FGF12: variants seen among roughly 807,000 people sequenced by gnomAD.
FGF12 encodes the protein fibroblast growth factor 12B.
In FGF12, 14 loss-of-function variants were observed where a neutral mutation model predicts 23.6. That is an observed-to-expected ratio of 0.59 (90% confidence interval 0.39 to 0.93). The LOEUF (loss-of-function observed/expected upper bound fraction) is 0.93. FGF12 is among the 40% of genes least tolerant of loss of function. The pLI, the probability that FGF12 is intolerant of heterozygous loss-of-function variation, is 0.00. For missense variants in FGF12, 175 were observed against 217.8 expected (o/e 0.80, Z 1.24); for synonymous variants, 62 against 77.3 (o/e 0.80, Z 1.04).
chr3:192,295,502 A>G (rs2108653892), intron 4 of FGF12, among the ~76,000 whole-genome samples: 1 of 152,348 alleles, frequency 6.6e-6, no homozygotes, highest in East Asian at 1.9e-4. Flanking sequence ...ATATTTAAGA[A>G]GAATTCGAAG....
At chr3:192,152,886 G>A (rs1393174910) in intron 5 of FGF12, among the ~76,000 whole-genome samples, 258 of 17,668 alleles carry the variant, frequency 0.015, no homozygotes, top group Middle Eastern at 0.026. Flanking sequence ...TTTCTGTCTC[G>A]TTGATCTGTC....
chr3:192,551,834 G>A (rs1352880013), intron 2 of FGF12, among the ~76,000 whole-genome samples: 1 of 151,996 alleles, frequency 6.6e-6, no homozygotes, highest in Non-Finnish European at 1.5e-5. Context: ...TACTAGACAT[G>A]CAAAGATGTA....
intron 2 of FGF12, among the ~76,000 whole-genome samples, chr3:192,471,688 G>A (rs573425042): frequency 1.3e-4 from 20 of 152,264 alleles, no homozygotes; most frequent in Non-Finnish European, 2.8e-4. Flanking sequence ...ATAGATATAA[G>A]CTGCTCTCAA....
chr3:192,673,424 C>T (rs963600049), intron 2 of FGF12, among the ~76,000 whole-genome samples: 5 of 151,080 alleles, frequency 3.3e-5, no homozygotes, highest in South Asian at 2.1e-4. Flanking sequence ...ATGTGTAGAA[C>T]GTGCAGGTTG....
chr3:192,508,324 A>G (rs2108837876), intron 2 of FGF12, among the ~76,000 whole-genome samples: 1 of 152,354 alleles, frequency 6.6e-6, no homozygotes, highest in African/African-American at 2.4e-5. Flanking sequence ...CATCAGAAGA[A>G]ATATTCAAAC....
chr3:192,443,325 C>G (rs1722259501), intron 2 of FGF12, among the ~76,000 whole-genome samples: 1 of 152,096 alleles, frequency 6.6e-6, no homozygotes, highest in Non-Finnish European at 1.5e-5. Flanking sequence ...CTCCTATATC[C>G]ACAACTGAGT....
chr3:192,312,728 C>A (rs1275093674), intron 4 of FGF12, among the ~76,000 whole-genome samples: 2 of 143,250 alleles, frequency 1.4e-5, no homozygotes, highest in African/African-American at 2.7e-5. Context: ...GCCTGGGCAA[C>A]AGAGTGAGAC....
chr3:192,597,080 A>G (rs1292640632), intron 2 of FGF12, among the ~76,000 whole-genome samples: 1 of 152,202 alleles, frequency 6.6e-6, no homozygotes, highest in Non-Finnish European at 1.5e-5. Context: ...GGATTACGCA[A>G]AAATATATGT....
intron 3 of FGF12, among the ~76,000 whole-genome samples, chr3:192,342,167 G>T (rs1042365747): frequency 6.6e-6 from 1 of 152,128 alleles, no homozygotes; most frequent in African/African-American, 2.4e-5. Flanking sequence ...GGTTTTAGAA[G>T]CTGTTATTCA....
At chr3:192,301,960 T>C (rs1030005706) in intron 4 of FGF12, among the ~76,000 whole-genome samples, 1 of 152,162 alleles carries the variant, frequency 6.6e-6, no homozygotes, top group Non-Finnish European at 1.5e-5. Context: ...CTTTTCTCTC[T>C]TACACCTTTT....
chr3:192,293,363 G>C (rs1217503435), intron 4 of FGF12, among the ~76,000 whole-genome samples: 1 of 152,144 alleles, frequency 6.6e-6, no homozygotes, highest in Non-Finnish European at 1.5e-5. Flanking sequence ...GTATGTATCT[G>C]GAGATTTCCA....
intron 4 of FGF12, among the ~76,000 whole-genome samples, chr3:192,272,814 A>G (rs780573300): frequency 6.6e-6 from 1 of 152,144 alleles, no homozygotes. Context: ...GTAAGGAAAG[A>G]TCCTTTCCCA....
At position 192,345,430 on chromosome 3, in the gene FGF12, G is replaced by GA. The variant is rs1320034368; in HGVS notation, c.125-9967_125-9966insT. On this transcript the variant is annotated intron_variant, in intron 3 of 5. Transcript: ENST00000445105. ...AGGCCGGGCGCGGTGGCTCACGCCT[G>GA]TAATCCCAGCACTTTGGGAGGCCGA... Among the ~76,000 whole-genome samples, 7 of 42,854 alleles carry GA rather than the reference G, an allele frequency of 1.6e-4. 1 individual carries two copies. The highest frequency in any genetic ancestry group is 7.8e-3 in the East Asian group (1 of 128). The allele number at this position is 42,854 out of a possible 152,430, so 28.1% of individuals were successfully genotyped here.
chr3:192,298,990 T>A (rs1359327028), intron 4 of FGF12, among the ~76,000 whole-genome samples: 2 of 152,180 alleles, frequency 1.3e-5, no homozygotes, highest in African/African-American at 4.8e-5. Flanking sequence ...TCCTCAAGAA[T>A]GGCACCAGGC....
At chr3:192,468,366 A>G (rs920430605) in intron 2 of FGF12, among the ~76,000 whole-genome samples, 1 of 152,238 alleles carries the variant, frequency 6.6e-6, no homozygotes, top group Admixed American at 6.5e-5. Flanking sequence ...AATCCTATCC[A>G]GGATCCAAAT....
chr3:192,212,299 C>T (rs1009541761), intron 4 of FGF12, among the ~76,000 whole-genome samples: 2 of 151,970 alleles, frequency 1.3e-5, no homozygotes, highest in East Asian at 1.9e-4. Context: ...ATAATGAATA[C>T]GAACACTGTC....
intron 2 of FGF12, among the ~76,000 whole-genome samples, chr3:192,446,366 T>TTAAACACACA (rs1397055796): frequency 1.2e-4 from 19 of 152,234 alleles, no homozygotes; most frequent in Non-Finnish European, 2.6e-4. Flanking sequence ...TAACAATAGA[T>TTAAACACACA]GCAGGTTAAA....
intron 2 of FGF12, among the ~76,000 whole-genome samples, chr3:192,615,276 GT>G (rs983720315): frequency 1.9e-4 from 29 of 151,690 alleles, no homozygotes; most frequent in African/African-American, 7.0e-4. Flanking sequence ...AAATGTGTGT[GT>G]TTTTTTATTC....
At chr3:192,292,714 C>A (rs1302018421) in intron 4 of FGF12, among the ~76,000 whole-genome samples, 1 of 152,086 alleles carries the variant, frequency 6.6e-6, no homozygotes, top group Non-Finnish European at 1.5e-5. Context: ...CTAAAACATA[C>A]CTATCTGAAA....
Sources: allele counts gnomAD v4.1 joint callset (sites outside exome capture counted in the v4.1 genomes callset), GRCh38; gene constraint gnomAD v4.1.1; transcripts MANE v1.5; gene names NCBI Gene and HGNC (gene_info 2026-07-23, HGNC 2026-07-21).